AP2M1: variants seen among roughly 807,000 people sequenced by gnomAD.
The protein encoded by AP2M1 is AP-2 complex subunit mu.
In AP2M1, 5 loss-of-function variants were observed where a neutral mutation model predicts 54.5. The observed-to-expected ratio is 0.09, with a 90% CI of 0.05 to 0.19. The LOEUF is 0.19. AP2M1 is among the 10% of genes least tolerant of loss of function. The pLI, the probability that AP2M1 is intolerant of heterozygous loss-of-function variation, is 1.00. For missense variants in AP2M1, 178 were observed against 580.2 expected (o/e 0.31, Z 7.12); for synonymous variants, 186 against 208.2 (o/e 0.89, Z 0.92).
Position 184,182,747 on chromosome 3 carries a change from G to T in AP2M1, c.1062-10G>T. On this transcript the variant is annotated splice_polypyrimidine_tract_variant and intron_variant, in intron 10 of 11. Coordinates refer to ENST00000292807, the MANE Select transcript of AP2M1 (RefSeq NM_004068.4). The surrounding 1 kb of genome is among the most constrained non-coding windows in gnomAD (Gnocchi z 5.5). The stretch of plus-strand genomic sequence containing the variant: ...CCCCAATGGGCTGCCCATTGTCCCT[G>T]TGTTCCCAGGATCAAGCGCATGGCA... 6.2e-7 allele frequency: 1 copy of T among 1,612,384 alleles called. No individual in the cohort carries two copies. The highest frequency in any genetic ancestry group is 8.5e-7 in the Non-Finnish European group (1 of 1,178,604).
At position 184,177,580 on chromosome 3, in the gene AP2M1, T is replaced by C. The variant is rs118022228; in HGVS notation, c.74+513T>C. ...TGCTGACTCAGCTGTCTTCAGTTCCTCTGGCCCATTCCCTGGGGAGTGGCT... is the reference window on the plus strand; with the variant it reads ...TGCTGACTCAGCTGTCTTCAGTTCCCCTGGCCCATTCCCTGGGGAGTGGCT... On this transcript the variant is annotated intron_variant, in intron 2 of 11. Transcript: ENST00000292807. 2.6e-3 allele frequency: 3,963 copies of C among 1,536,096 alleles called. 99 individuals are homozygous for C. The Admixed American group carries it at 0.052, about 20-fold the overall frequency.
In AP2M1 at chr3:184,178,789, G is replaced by A; in HGVS notation, c.75-68G>A. The A allele has an allele frequency of 6.4e-7, 1 of 1,568,488 alleles. No individual in the cohort carries two copies. The highest frequency in any genetic ancestry group is 1.3e-5 in the African/African-American group (1 of 74,136). On this transcript the variant is annotated intron_variant, in intron 2 of 11. Transcript: ENST00000292807. The surrounding 1 kb of genome is among the most constrained non-coding windows in gnomAD (Gnocchi z 4.9). ...AAGGAGGGTGGGGCTGTTAGCAGCT[G>A]TGGTTGATCCTTATGGGGTAAGGTT...
Position 184,177,494 on chromosome 3 carries a change from G to C in AP2M1, c.74+427G>C, listed in dbSNP as rs985108221. The C allele has an allele frequency of 2.0e-6, 3 of 1,503,404 alleles. No homozygotes were observed. The African/African-American group carries it at 4.1e-5, about 21-fold the overall frequency. 93.1% of individuals were successfully genotyped at this position (1,503,404 alleles called of 1,614,324 possible). A position where few individuals can be genotyped will look rare whatever the true frequency, so the allele number is the denominator to read the frequency against. ...ATATCAAACGCCTTCACTGGATTCT[G>C]TTGAAAGCCCCTCCAGGCTGCCCAA... On this transcript the variant is annotated intron_variant, in intron 2 of 11. Transcript: ENST00000292807.
chr3:184,177,650 GC>G, intron 2 of AP2M1: 1 of 1,518,800 alleles, frequency 6.6e-7, no homozygotes, highest in Non-Finnish European at 8.8e-7. Context: ...GGGCAGGGAA[GC>G]CATGCTACCC....
At chr3:184,177,555 T>C in intron 2 of AP2M1, 1 of 1,535,968 alleles carries the variant, frequency 6.5e-7, no homozygotes, top group Non-Finnish European at 8.7e-7. Flanking sequence ...GTCGTCAGGC[T>C]GCTGACTCAG....
Position 184,174,944 on chromosome 3 carries a change from G to C in AP2M1, c.-59G>C, listed in dbSNP as rs1455747393. On this transcript the variant is annotated 5_prime_UTR_variant, in exon 1 of 12. Transcript: ENST00000292807. Reference sequence around the variant, plus strand: ...AGAGTGGCCGGGCCGGCAGAGCAGGGGGCCGAGGACACCAGGTGAGCCGGG... The same window carrying C: ...AGAGTGGCCGGGCCGGCAGAGCAGGCGGCCGAGGACACCAGGTGAGCCGGG... 2 of 398,750 alleles carry C rather than the reference G, an allele frequency of 5.0e-6. No homozygotes were observed. The highest frequency in any genetic ancestry group is 4.4e-5 in the Admixed American group (1 of 22,726). 24.7% of individuals were successfully genotyped at this position (398,750 alleles called of 1,614,324 possible).
Position 184,182,919 on chromosome 3 carries a change from CT to C in AP2M1, c.1173+53del. On this transcript the variant is annotated intron_variant, in intron 11 of 11. Coordinates refer to ENST00000292807, the MANE Select transcript of AP2M1 (RefSeq NM_004068.4). The surrounding 1 kb of genome is among the most constrained non-coding windows in gnomAD (Gnocchi z 5.5). ...CATGCCAGGGTATGCTGGAAGACCT[CT>C]TAGAGATCATTCCGATAAACTGCTG... The C allele has an allele frequency of 6.7e-7, 1 of 1,488,732 alleles. No homozygotes were observed. The highest frequency in any genetic ancestry group is 9.3e-7 in the Non-Finnish European group (1 of 1,070,548). 92.2% of individuals were successfully genotyped at this position (1,488,732 alleles called of 1,614,324 possible). A position where few individuals can be genotyped will look rare whatever the true frequency, so the allele number is the denominator to read the frequency against.
chr3:184,179,194 G>T, intron 3 of AP2M1, 72 bp downstream of exon 3: 6 of 1,568,064 alleles, frequency 3.8e-6, no homozygotes, highest in Non-Finnish European at 5.2e-6. Flanking sequence ...GCCTGAAGGT[G>T]GGTGTAGGTC....
Position 184,182,903 on chromosome 3 carries a change from G to A in AP2M1, c.1173+35G>A. On this transcript the variant is annotated intron_variant, in intron 11 of 11. Coordinates refer to ENST00000292807, the MANE Select transcript of AP2M1 (RefSeq NM_004068.4). The surrounding 1 kb of genome is among the most constrained non-coding windows in gnomAD (Gnocchi z 5.5). ...AGGAGGGGCCTAGAGTCATGCCAGG[G>A]TATGCTGGAAGACCTCTTAGAGATC... is the stretch of plus-strand genomic sequence containing the variant. The A allele has an allele frequency of 2.5e-6, 4 of 1,571,788 alleles. No homozygotes were observed. Among genetic ancestry groups the A allele is most frequent in the Non-Finnish European group, 3.5e-6 (4 of 1,143,456 alleles).
chr3:184,176,700 G>A, intron 1 of AP2M1: 1 of 461,340 alleles, frequency 2.2e-6, no homozygotes. Flanking sequence ...CTGATGCTCA[G>A]CCCCAGGAAA....
intron 2 of AP2M1, chr3:184,177,762 CT>C (rs1715124090): frequency 1.4e-6 from 1 of 713,856 alleles, no homozygotes; most frequent in Non-Finnish European, 2.3e-6. Flanking sequence ...TTCTTTGCGA[CT>C]GAAGGGACCT....
rs374676682 is a variant in AP2M1, at chr3:184,180,596, C to A, written c.424-49C>A. 6.8e-6 allele frequency: 11 copies of A among 1,612,886 alleles called. No individual in the cohort carries two copies. In the African/African-American group the frequency reaches 1.5e-4, roughly 21 times the overall value. On this transcript the variant is annotated intron_variant, in intron 4 of 11. Coordinates refer to ENST00000292807, the MANE Select transcript of AP2M1 (RefSeq NM_004068.4). This position sits in a 1 kb window ranked among gnomAD's most constrained non-coding sequence, Gnocchi z 4.9. ...CTCATAGCTTTCTCCTCCTTTTCTG[C>A]CTCCCTTGCTGCTTCATGTGGGCAC...
Position 184,183,918 on chromosome 3 carries a change from T to G in AP2M1, c.*302T>G. On this transcript the variant is annotated 3_prime_UTR_variant, in exon 12 of 12. Transcript: ENST00000292807. This position sits in a 1 kb window ranked among gnomAD's most constrained non-coding sequence, Gnocchi z 5.7. Reference sequence around the variant, plus strand: ...GTGGGTTCCCTTTCCTTCCCACCCCTGTGGCCACAGCTCTGGAGTGGGAGG... The same window carrying G: ...GTGGGTTCCCTTTCCTTCCCACCCCGGTGGCCACAGCTCTGGAGTGGGAGG... 3.0e-6 allele frequency: 1 copy of G among 335,726 alleles called. No individual in the cohort carries two copies. The highest frequency in any genetic ancestry group is 2.1e-5 in the African/African-American group (1 of 48,228). 20.8% of individuals were successfully genotyped at this position (335,726 alleles called of 1,614,324 possible).
At chr3:184,176,376 G>C (rs932200306) in intron 1 of AP2M1, among the ~76,000 whole-genome samples, 2 of 152,150 alleles carry the variant, frequency 1.3e-5, no homozygotes, top group Non-Finnish European at 2.9e-5. Context: ...TCCACATTAG[G>C]GCCTAAGGGC....
chr3:184,177,455 C>T, intron 2 of AP2M1: 1 of 1,286,938 alleles, frequency 7.8e-7, no homozygotes. Context: ...GCCTTGCTCT[C>T]AGAAGCCCTT....
At position 184,182,367 on chromosome 3, in the gene AP2M1, G is replaced by T; in HGVS notation, c.1061+119G>T. 9.1e-7 allele frequency: 1 copy of T among 1,094,546 alleles called. No homozygotes were observed. Among genetic ancestry groups the T allele is most frequent in the Non-Finnish European group, 1.3e-6 (1 of 767,972 alleles). 67.8% of individuals were successfully genotyped at this position (1,094,546 alleles called of 1,614,324 possible). A position where few individuals can be genotyped will look rare whatever the true frequency, so the allele number is the denominator to read the frequency against. On this transcript the variant is annotated intron_variant, in intron 10 of 11. Transcript: ENST00000292807. This position sits in a 1 kb window ranked among gnomAD's most constrained non-coding sequence, Gnocchi z 5.5. ...AGTGTGCCTGTTTGCTTTTCTAGGAGCCTCTGCTTGTACTGTCAGTCTTTA... is the reference window on the plus strand; with the variant it reads ...AGTGTGCCTGTTTGCTTTTCTAGGATCCTCTGCTTGTACTGTCAGTCTTTA...
At position 184,182,694 on chromosome 3, in the gene AP2M1, G is replaced by A. The variant is rs1715313341; in HGVS notation, c.1062-63G>A. Reference sequence around the variant, plus strand: ...CCTGGGCTCTCTCCTTGCTTGAAATGGGCAACTGCCCTTGAAACTCCTCCA... The same window carrying A: ...CCTGGGCTCTCTCCTTGCTTGAAATAGGCAACTGCCCTTGAAACTCCTCCA... On this transcript the variant is annotated intron_variant, in intron 10 of 11. Coordinates refer to ENST00000292807, the MANE Select transcript of AP2M1 (RefSeq NM_004068.4). This position sits in a 1 kb window ranked among gnomAD's most constrained non-coding sequence, Gnocchi z 5.5. 1 of 1,451,334 alleles carries A rather than the reference G, an allele frequency of 6.9e-7. No individual in the cohort carries two copies. The highest frequency in any genetic ancestry group is 9.6e-7 in the Non-Finnish European group (1 of 1,039,882). 89.9% of individuals were successfully genotyped at this position (1,451,334 alleles called of 1,614,324 possible). A position where few individuals can be genotyped will look rare whatever the true frequency, so the allele number is the denominator to read the frequency against.
intron 3 of AP2M1, 50 bp downstream of exon 3, chr3:184,179,172 A>G (rs773307248): frequency 6.3e-7 from 1 of 1,597,358 alleles, no homozygotes; most frequent in South Asian, 1.1e-5. Context: ...GGAAAAAACC[A>G]GGCTGGGCCT....
In AP2M1 at chr3:184,182,674, G is replaced by T; in HGVS notation, c.1062-83G>T. On this transcript the variant is annotated intron_variant, in intron 10 of 11. Coordinates refer to ENST00000292807, the MANE Select transcript of AP2M1 (RefSeq NM_004068.4). The surrounding 1 kb of genome is among the most constrained non-coding windows in gnomAD (Gnocchi z 5.5). ...TCTGGCACCTCCTGCAAGCTCCTGG[G>T]CTCTCTCCTTGCTTGAAATGGGCAA... The T allele has an allele frequency of 8.3e-7, 1 of 1,205,212 alleles. No individual in the cohort carries two copies. Among genetic ancestry groups the T allele is most frequent in the Admixed American group, 1.9e-5 (1 of 52,458 alleles). 74.7% of individuals were successfully genotyped at this position (1,205,212 alleles called of 1,614,324 possible). A position where few individuals can be genotyped will look rare whatever the true frequency, so the allele number is the denominator to read the frequency against.
Sources: allele counts gnomAD v4.1 joint callset (sites outside exome capture counted in the v4.1 genomes callset), GRCh38; gene constraint gnomAD v4.1.1; non-coding constraint Gnocchi (gnomAD v3.1); transcripts MANE v1.5; gene names NCBI Gene and HGNC (gene_info 2026-07-23, HGNC 2026-07-21).